Variants in TMUB1 observed in about 807,000 individuals in gnomAD.
TMUB1 encodes the protein transmembrane and ubiquitin-like domain-containing protein 1.
TMUB1 carries 9 observed loss-of-function variants against 16.2 expected under a neutral mutation model. The ratio of observed to expected loss-of-function variants is 0.55; its 90% CI spans 0.33 to 0.97. The LOEUF (loss-of-function observed/expected upper bound fraction) is 0.97, where lower values mean the gene tolerates loss of function less well. TMUB1 is among the 50% of genes least tolerant of loss of function. The pLI, the probability that TMUB1 is intolerant of heterozygous loss-of-function variation, is 0.03. For missense variants in TMUB1, 309 were observed against 313.5 expected, an observed-to-expected ratio of 0.99 and a Z score of 0.11; for synonymous variants, 155 against 152.2, an observed-to-expected ratio of 1.02 and a Z score of -0.13.
rs1461611309 is a variant in TMUB1, at chr7:151,081,656, A to G, written c.634T>C (p.Tyr212His). The change falls in exon 3 of 3, where the codon TAC becomes CAC. Residue 212 changes from tyrosine to histidine, a missense_variant. Tyr to His is a moderately conservative substitution (Grantham distance 83). Coordinates refer to ENST00000297533, the MANE Select transcript of TMUB1 (RefSeq NM_001136044.2). The surrounding 1 kb of genome is among the most constrained non-coding windows in gnomAD (Gnocchi z 7.6). The stretch of plus-strand genomic sequence containing the variant: ...AAGGGCCGGTACTGGATCTGGCAGT[A>G]CCAGAGCAGCAGCAACAGCAGGAGC... Reference protein sequence around the residue: ...LLLLLLLLLWYCQIQYRPFFP... With the variant: ...LLLLLLLLLWHCQIQYRPFFP... The G allele has an allele frequency of 1.3e-6, 2 of 1,597,080 alleles. No homozygotes were observed. The highest frequency in any genetic ancestry group is 1.7e-5 in the Admixed American group (1 of 57,610).
chr7:151,082,354 C>T lies in TMUB1; in HGVS notation c.210G>A (p.Glu70=). The T allele has an allele frequency of 1.9e-6, 3 of 1,596,424 alleles. No homozygotes were observed. Among genetic ancestry groups the T allele is most frequent in the South Asian group, 1.1e-5 (1 of 89,244 alleles). The change falls in exon 2 of 3, where the codon GAG becomes GAA. Residue 70 remains glutamate, a synonymous_variant. Transcript: ENST00000297533. This position sits in a 1 kb window ranked among gnomAD's most constrained non-coding sequence, Gnocchi z 7.0. ...GACCTCTGTGTCTCAGGCTGGGGGTCTCTGCCCCTGGGGCCTCCCCTCTCA... is the reference window on the plus strand; with the variant it reads ...GACCTCTGTGTCTCAGGCTGGGGGTTTCTGCCCCTGGGGCCTCCCCTCTCA... ...DSMRGEAPGA[E]TPSLRHRGQA... is the part of the protein sequence containing the mutation.
At position 151,081,209 on chromosome 7, in the gene TMUB1, T is replaced by C. The variant is rs912308645; in HGVS notation, c.*340A>G. The C allele has an allele frequency of 3.0e-5, 6 of 199,154 alleles. No individual in the cohort carries two copies. The highest frequency in any genetic ancestry group is 5.0e-5 in the Non-Finnish European group (5 of 99,458). The allele number at this position is 199,154 out of a possible 1,614,324, so 12.3% of individuals were successfully genotyped here. The stretch of plus-strand genomic sequence containing the variant: ...ACTCAGCCCAAGGAGCTGTCAGGGA[T>C]TGGAGGCGGCTGGGTCCTCCGGCAG... On this transcript the variant is annotated 3_prime_UTR_variant, in exon 3 of 3. Transcript: ENST00000297533. The surrounding 1 kb of genome is among the most constrained non-coding windows in gnomAD (Gnocchi z 7.6).
Position 151,083,316 on chromosome 7 carries a change from C to G in TMUB1, c.-31+118G>C, listed in dbSNP as rs570737755. On this transcript the variant is annotated intron_variant, in intron 1 of 2. Transcript: ENST00000297533. This position sits in a 1 kb window ranked among gnomAD's most constrained non-coding sequence, Gnocchi z 5.9. Reference sequence around the variant, plus strand: ...TCCGAGACTTCACGTTCCCCACCCCCACCTCTCATCACCCCTCCCACCTTC... The same window carrying G: ...TCCGAGACTTCACGTTCCCCACCCCGACCTCTCATCACCCCTCCCACCTTC... 9 of 151,952 alleles carry G rather than the reference C, an allele frequency of 5.9e-5. No individual in the cohort carries two copies. The East Asian group carries it at 1.6e-3, about 26-fold the overall frequency. The allele number at this position is 151,952 out of a possible 1,614,324, so 9.4% of individuals were successfully genotyped here. A position where few individuals can be genotyped will look rare whatever the true frequency, so the allele number is the denominator to read the frequency against.
rs751348906 is a variant in TMUB1, at chr7:151,082,605, C to T, written c.-30-12G>A. On this transcript the variant is annotated splice_polypyrimidine_tract_variant and intron_variant, in intron 1 of 2. Transcript: ENST00000297533. The surrounding 1 kb of genome is among the most constrained non-coding windows in gnomAD (Gnocchi z 7.0). The stretch of plus-strand genomic sequence containing the variant: ...GCCGCGCTACCGAGCTGGAGAGGCA[C>T]AAAGAGCCCGTGAGGCCCGGGCCCC... 293 of 1,464,808 alleles carry T rather than the reference C, an allele frequency of 2.0e-4. No individual in the cohort carries two copies. The highest frequency in any genetic ancestry group is 5.2e-4 in the Admixed American group (20 of 38,504). 90.7% of individuals were successfully genotyped at this position (1,464,808 alleles called of 1,614,324 possible). A position where few individuals can be genotyped will look rare whatever the true frequency, so the allele number is the denominator to read the frequency against.
chr7:151,081,832 G>T lies in TMUB1; in HGVS notation c.458C>A (p.Thr153Asn). 1.3e-6 allele frequency: 2 copies of T among 1,539,252 alleles called. No individual in the cohort carries two copies. Among genetic ancestry groups the T allele is most frequent in the Non-Finnish European group, 8.8e-7 (1 of 1,141,784 alleles). Reference protein sequence around the residue: ...IYQGQLLGDDTQTLGSLHLPP... With the variant: ...IYQGQLLGDDNQTLGSLHLPP... Reference sequence around the variant, plus strand: ...GAGGTGAAGGCTGCCCAGGGTCTGGGTGTCGTCGCCTAGCAGCTGCCCTTG... The same window carrying T: ...GAGGTGAAGGCTGCCCAGGGTCTGGTTGTCGTCGCCTAGCAGCTGCCCTTG... Residue 153 changes from threonine (T) to asparagine (N), a missense_variant, in exon 3 of 3, where the codon ACC (threonine) becomes AAC (asparagine). By Grantham distance (65) the Thr-to-Asn change is moderately conservative. Coordinates refer to ENST00000297533, the MANE Select transcript of TMUB1 (RefSeq NM_001136044.2). This position sits in a 1 kb window ranked among gnomAD's most constrained non-coding sequence, Gnocchi z 7.6.
In TMUB1 at chr7:151,082,841, C is replaced by G; in HGVS notation, c.-30-248G>C. On this transcript the variant is annotated intron_variant, in intron 1 of 2. Coordinates refer to ENST00000297533, the MANE Select transcript of TMUB1 (RefSeq NM_001136044.2). The surrounding 1 kb of genome is among the most constrained non-coding windows in gnomAD (Gnocchi z 7.0). ...TGAGCTCGAGGTCTTCAACCAGCTC[C>G]CAACTCACCCAAACCCTATCCCAAG... 1 of 365,968 alleles carries G rather than the reference C, an allele frequency of 2.7e-6. No individual in the cohort carries two copies. Among genetic ancestry groups the G allele is most frequent in the South Asian group, 1.1e-4 (1 of 9,340 alleles). The allele number at this position is 365,968 out of a possible 1,614,324, so 22.7% of individuals were successfully genotyped here. A position where few individuals can be genotyped will look rare whatever the true frequency, so the allele number is the denominator to read the frequency against.
rs971583463 is a variant in TMUB1, at chr7:151,082,009, G to C, written c.390-109C>G. The C allele has an allele frequency of 4.3e-6, 6 of 1,387,390 alleles. No homozygotes were observed. In the African/African-American group the frequency reaches 8.7e-5, roughly 20 times the overall value. The allele number at this position is 1,387,390 out of a possible 1,614,324, so 85.9% of individuals were successfully genotyped here. On this transcript the variant is annotated intron_variant, in intron 2 of 2. Transcript: ENST00000297533. This position sits in a 1 kb window ranked among gnomAD's most constrained non-coding sequence, Gnocchi z 7.0. ...CTGCCCTCCACAACACACCGGCCCT[G>C]GCCTGGGAGGGGCCGTCTGCCAGGG... is the stretch of plus-strand genomic sequence containing the variant.
At position 151,081,644 on chromosome 7, in the gene TMUB1, G is replaced by C; in HGVS notation, c.646C>G (p.Gln216Glu). 6.3e-7 allele frequency: 1 copy of C among 1,599,696 alleles called. No individual in the cohort carries two copies. Among genetic ancestry groups the C allele is most frequent in the South Asian group, 1.1e-5 (1 of 89,250 alleles). The change falls in exon 3 of 3, where the codon CAG becomes GAG. Residue 216 changes from glutamine (Q) to glutamate (E), a missense_variant. Gln to Glu is a conservative substitution (Grantham distance 29). Coordinates refer to ENST00000297533, the MANE Select transcript of TMUB1 (RefSeq NM_001136044.2). The surrounding 1 kb of genome is among the most constrained non-coding windows in gnomAD (Gnocchi z 7.6). ...GTCAGGGGAAAGAAGGGCCGGTACT[G>C]GATCTGGCAGTACCAGAGCAGCAGC... The part of the protein sequence containing the change: ...LLLLLWYCQI[Q>E]YRPFFPLTAT...
Position 151,081,409 on chromosome 7 carries a change from T to TCTGCGG in TMUB1, c.*134_*139dup. Reference sequence around the variant, plus strand: ...GGGCCTCCGCCAGTCCCGGGAGTCCTCTGCGGCGCAGGGCTGGGCTCCAGG... The same window carrying TCTGCGG: ...GGGCCTCCGCCAGTCCCGGGAGTCCTCTGCGGCTGCGGCGCAGGGCTGGGCTCCAGG... On this transcript the variant is annotated 3_prime_UTR_variant, in exon 3 of 3. Transcript: ENST00000297533. This position sits in a 1 kb window ranked among gnomAD's most constrained non-coding sequence, Gnocchi z 7.6. The TCTGCGG allele has an allele frequency of 7.8e-7, 1 of 1,275,272 alleles. No homozygotes were observed. The allele number at this position is 1,275,272 out of a possible 1,614,324, so 79.0% of individuals were successfully genotyped here. A position where few individuals can be genotyped will look rare whatever the true frequency, so the allele number is the denominator to read the frequency against.
rs1798029985 is a variant in TMUB1 at position 151,082,666 on chromosome 7, C to T, written c.-30-73G>A. 3 of 1,230,342 alleles carry T rather than the reference C, an allele frequency of 2.4e-6. No homozygotes were observed. Among genetic ancestry groups the T allele is most frequent in the Non-Finnish European group, 3.2e-6 (3 of 943,038 alleles). 76.2% of individuals were successfully genotyped at this position (1,230,342 alleles called of 1,614,324 possible). The stretch of plus-strand genomic sequence containing the variant: ...GCCCTGGAACCTCCACAGGGTCCTG[C>T]CCTCACCCCACCGCGACGCTCCCAC... On this transcript the variant is annotated intron_variant, in intron 1 of 2. Transcript: ENST00000297533. The surrounding 1 kb of genome is among the most constrained non-coding windows in gnomAD (Gnocchi z 7.0).
rs1797975831 is a variant in TMUB1, at chr7:151,081,296, A to C, written c.*253T>G. ...CCCGGGGCCGAGGCAGCGACAGCAG[A>C]TGCCCGACCCCGAGGAGCCCACTCC... On this transcript the variant is annotated 3_prime_UTR_variant, in exon 3 of 3. Transcript: ENST00000297533. The surrounding 1 kb of genome is among the most constrained non-coding windows in gnomAD (Gnocchi z 7.6). The C allele has an allele frequency of 2.2e-6, 1 of 450,958 alleles. No homozygotes were observed. The highest frequency in any genetic ancestry group is 3.2e-6 in the Non-Finnish European group (1 of 310,758). 27.9% of individuals were successfully genotyped at this position (450,958 alleles called of 1,614,324 possible).
Position 151,082,001 on chromosome 7 carries a change from C to G in TMUB1, c.390-101G>C. ...CCCTCCCCCTGCCCTCCACAACACACCGGCCCTGGCCTGGGAGGGGCCGTC... is the reference window on the plus strand; with the variant it reads ...CCCTCCCCCTGCCCTCCACAACACAGCGGCCCTGGCCTGGGAGGGGCCGTC... On this transcript the variant is annotated intron_variant, in intron 2 of 2. Transcript: ENST00000297533. The surrounding 1 kb of genome is among the most constrained non-coding windows in gnomAD (Gnocchi z 7.0). The G allele has an allele frequency of 5.0e-6, 7 of 1,396,590 alleles. No homozygotes were observed. The highest frequency in any genetic ancestry group is 6.7e-6 in the Non-Finnish European group (7 of 1,051,984). 86.5% of individuals were successfully genotyped at this position (1,396,590 alleles called of 1,614,324 possible).
In TMUB1 at chr7:151,081,780, G is replaced by T; in HGVS notation, c.510C>A (p.His170Gln). 6.3e-7 allele frequency: 1 copy of T among 1,594,614 alleles called. No individual in the cohort carries two copies. The highest frequency in any genetic ancestry group is 2.3e-5 in the East Asian group (1 of 44,170). The change falls in exon 3 of 3, where the codon CAC becomes CAA. Residue 170 changes from histidine to glutamine, a missense_variant. His to Gln is a conservative substitution (Grantham distance 24, BLOSUM62 0). Coordinates refer to ENST00000297533, the MANE Select transcript of TMUB1 (RefSeq NM_001136044.2). This position sits in a 1 kb window ranked among gnomAD's most constrained non-coding sequence, Gnocchi z 7.6. ...TTGGGGGACCGACTCTCGTGGACAC[G>T]TGGCAGTGGAGAACGCAGTTGGGAG... ...HLPPNCVLHC[H>Q]VSTRVGPPNP...
chr7:151,082,276 CG>C lies in TMUB1; in HGVS notation c.287del (p.Pro96ArgfsTer12). ...GCACGAGGGGCTCCTGCGGGGAGTCCGGGGCTGGCGGTGTTGCTGTGAACCC... is the reference window on the plus strand; with the variant it reads ...GCACGAGGGGCTCCTGCGGGGAGTCCGGGCTGGCGGTGTTGCTGTGAACCC... ...STGFTATPPA[P>X]DSPQEPLVLR... On this transcript the variant is annotated frameshift_variant, in exon 2 of 3. Coordinates refer to ENST00000297533, the MANE Select transcript of TMUB1 (RefSeq NM_001136044.2). LOFTEE classifies it high-confidence loss of function. The surrounding 1 kb of genome is among the most constrained non-coding windows in gnomAD (Gnocchi z 7.0). 2 of 1,589,648 alleles carry C rather than the reference CG, an allele frequency of 1.3e-6. No homozygotes were observed. The highest frequency in any genetic ancestry group is 1.8e-5 in the Admixed American group (1 of 56,776).
chr7:151,082,619 G>A lies in TMUB1; in HGVS notation c.-30-26C>T. On this transcript the variant is annotated intron_variant, in intron 1 of 2. Transcript: ENST00000297533. This position sits in a 1 kb window ranked among gnomAD's most constrained non-coding sequence, Gnocchi z 7.0. ...CTGGAGAGGCACAAAGAGCCCGTGA[G>A]GCCCGGGCCCCCTGGCCAGGAGCCC... The A allele has an allele frequency of 2.8e-6, 4 of 1,447,910 alleles. No individual in the cohort carries two copies. Among genetic ancestry groups the A allele is most frequent in the Non-Finnish European group, 3.6e-6 (4 of 1,099,472 alleles). The allele number at this position is 1,447,910 out of a possible 1,614,324, so 89.7% of individuals were successfully genotyped here. A position where few individuals can be genotyped will look rare whatever the true frequency, so the allele number is the denominator to read the frequency against.
Position 151,081,674 on chromosome 7 carries a change from G to A in TMUB1, c.616C>T (p.Leu206=). The A allele has an allele frequency of 6.3e-7, 1 of 1,589,502 alleles. No individual in the cohort carries two copies. Among genetic ancestry groups the A allele is most frequent in the Non-Finnish European group, 8.6e-7 (1 of 1,168,378 alleles). Residue 206 remains leucine (L), a synonymous_variant, in exon 3 of 3, where the codon CTG becomes TTG. Transcript: ENST00000297533. The surrounding 1 kb of genome is among the most constrained non-coding windows in gnomAD (Gnocchi z 7.6). ...TGGCAGTACCAGAGCAGCAGCAACA[G>A]CAGGAGCAGCAGGGGCAGCAGCAGG... The part of the protein sequence containing the change: ...GSLLLPLLLL[L]LLLLWYCQIQ...
rs753122308 is a variant in TMUB1, at chr7:151,082,032, G to A, written c.390-132C>T. ...CTGGCCTGGGAGGGGCCGTCTGCCA[G>A]GGGAACAAGTACAGTTGTGATCTGG... On this transcript the variant is annotated intron_variant, in intron 2 of 2. Coordinates refer to ENST00000297533, the MANE Select transcript of TMUB1 (RefSeq NM_001136044.2). This position sits in a 1 kb window ranked among gnomAD's most constrained non-coding sequence, Gnocchi z 7.0. 1.0e-3 allele frequency: 1,416 copies of A among 1,403,558 alleles called. No individual in the cohort carries two copies. The highest frequency in any genetic ancestry group is 1.3e-3 in the Non-Finnish European group (1,322 of 1,056,696). The allele number at this position is 1,403,558 out of a possible 1,614,324, so 86.9% of individuals were successfully genotyped here.
In TMUB1 at chr7:151,082,092, G is replaced by T; in HGVS notation, c.389+83C>A. On this transcript the variant is annotated intron_variant, in intron 2 of 2. Coordinates refer to ENST00000297533, the MANE Select transcript of TMUB1 (RefSeq NM_001136044.2). The surrounding 1 kb of genome is among the most constrained non-coding windows in gnomAD (Gnocchi z 7.0). Reference sequence around the variant, plus strand: ...CGCCTCCAGTATAAAGGAGGGCTGGGTCTTAGGTGTCTCTGGGGGCCTTCT... The same window carrying T: ...CGCCTCCAGTATAAAGGAGGGCTGGTTCTTAGGTGTCTCTGGGGGCCTTCT... 2.0e-6 allele frequency: 3 copies of T among 1,473,150 alleles called. No individual in the cohort carries two copies. Among genetic ancestry groups the T allele is most frequent in the Non-Finnish European group, 1.8e-6 (2 of 1,109,166 alleles). 91.3% of individuals were successfully genotyped at this position (1,473,150 alleles called of 1,614,324 possible). A position where few individuals can be genotyped will look rare whatever the true frequency, so the allele number is the denominator to read the frequency against.
chr7:151,082,463 G>A lies in TMUB1; in HGVS notation c.101C>T (p.Ala34Val). The change falls in exon 2 of 3, where the codon GCT becomes GTT. Residue 34 changes from alanine to valine, a missense_variant. Ala to Val is a moderately conservative substitution (Grantham distance 64). Coordinates refer to ENST00000297533, the MANE Select transcript of TMUB1 (RefSeq NM_001136044.2). This position sits in a 1 kb window ranked among gnomAD's most constrained non-coding sequence, Gnocchi z 7.0. ...CTGGGGCAGTGGGTCCCCGCCCTCA[G>A]CGGTGTGCGTTGAGACCCAGGCAAG... ...LALAWVSTHT[A>V]EGGDPLPQPS... 6.2e-7 allele frequency: 1 copy of A among 1,604,858 alleles called. No homozygotes were observed.
Sources: gnomAD v4.1 joint callset for allele counts on GRCh38, gnomAD v4.1.1 for gene constraint, Gnocchi (gnomAD v3.1) non-coding constraint, MANE v1.5 for transcripts, NCBI Gene and HGNC (gene_info 2026-07-23, HGNC 2026-07-21) for gene names.